Variants in COL13A1 observed in about 807,000 individuals in gnomAD.
COL13A1 encodes the protein collagen type XIII alpha 1 chain, also known as collagen alpha-1(XIII) chain.
COL13A1 carries 89 observed loss-of-function variants against 130.9 expected under a neutral mutation model. The observed-to-expected ratio is 0.68, with a 90% CI of 0.57 to 0.81. COL13A1 has a LOEUF of 0.81. COL13A1 is among the 30% of genes least tolerant of loss of function. The pLI is 0.00. For missense variants in COL13A1, 879 were observed against 934.6 expected (o/e 0.94, Z 0.78); for synonymous variants, 402 against 341.6 (o/e 1.18, Z -1.95).
intron 2 of COL13A1, among the ~76,000 whole-genome samples, chr10:69,833,420 A>G (rs554128135): frequency 1.3e-5 from 2 of 152,308 alleles, no homozygotes; most frequent in Non-Finnish European, 2.9e-5. Flanking sequence ...CATGAACTAC[A>G]TCAACAAGCA....
chr10:69,802,830 G>T (rs1238374528), intron 1 of COL13A1, 113 bp downstream of exon 1: 14 of 1,386,752 alleles, frequency 1.0e-5, no homozygotes, highest in Admixed American at 2.0e-5. Context: ...CCCCAGGTTC[G>T]CGCGAGTTGC....
intron 36 of COL13A1, 27 bp downstream of exon 36, chr10:69,944,205 G>A: frequency 6.2e-7 from 1 of 1,610,326 alleles, no homozygotes. Context: ...CAGGGGCCTG[G>A]GCGGCCAGGA....
At chr10:69,842,278 C>A (rs934126195) in intron 2 of COL13A1, among the ~76,000 whole-genome samples, 1 of 152,204 alleles carries the variant, frequency 6.6e-6, no homozygotes, top group Non-Finnish European at 1.5e-5. Context: ...TTAAGACGTG[C>A]CTTTCACCTT....
chr10:69,933,215 A>G (rs1370135131), intron 31 of COL13A1, among the ~76,000 whole-genome samples: 1 of 147,772 alleles, frequency 6.8e-6, no homozygotes, highest in Non-Finnish European at 1.5e-5. Context: ...GGGCACTAGC[A>G]TGGGAGCAAC....
At chr10:69,859,630 C>A (rs1857413601) in intron 2 of COL13A1, among the ~76,000 whole-genome samples, 1 of 152,186 alleles carries the variant, frequency 6.6e-6, no homozygotes, top group Non-Finnish European at 1.5e-5. Flanking sequence ...ACCTGAGTGA[C>A]CCCTCAATGG....
At chr10:69,802,863 G>A (rs1034820308) in intron 1 of COL13A1, 146 bp downstream of exon 1, 2 of 1,040,034 alleles carry the variant, frequency 1.9e-6, no homozygotes, top group Non-Finnish European at 1.4e-6. Flanking sequence ...TCGGGGACAC[G>A]GACAGACGCT....
At position 69,935,394 on chromosome 10, in the gene COL13A1, A is replaced by G; in HGVS notation, c.1770+3A>G. 6.4e-7 allele frequency: 1 copy of G among 1,558,892 alleles called. No individual in the cohort carries two copies. The highest frequency in any genetic ancestry group is 8.7e-7 in the Non-Finnish European group (1 of 1,151,066). ...CAGAGGGGCCTCCCGGACCTCCGGT[A>G]AGTTTGGAGGGCTTGTCAGTGGCCA... On this transcript the variant is annotated splice_donor_region_variant and intron_variant, in intron 32 of 40. Coordinates refer to ENST00000645393, the MANE Select transcript of COL13A1 (RefSeq NM_001368882.1).
chr10:69,857,352 G>A (rs980614440), intron 2 of COL13A1, among the ~76,000 whole-genome samples: 1 of 152,186 alleles, frequency 6.6e-6, no homozygotes, highest in African/African-American at 2.4e-5. Flanking sequence ...AGCCCTGCGT[G>A]GGTTCCAGGA....
Position 69,947,340 on chromosome 10 carries a change from C to G in COL13A1, c.2056C>G (p.Arg686Gly). 6.2e-7 allele frequency: 1 copy of G among 1,612,320 alleles called. No individual in the cohort carries two copies. Among genetic ancestry groups the G allele is most frequent in the Non-Finnish European group, 8.5e-7 (1 of 1,179,072 alleles). Residue 686 changes from arginine (R) to glycine (G), a missense_variant and splice_region_variant, in exon 38 of 41, where the codon CGG becomes GGG. Coordinates refer to ENST00000645393, the MANE Select transcript of COL13A1 (RefSeq NM_001368882.1). ...TGGACCACCCGGGGACAAGGGAAAC[C>G]GGGTGAGTCTGAGCCCCTGCACTCG... ...LHGPPGDKGN[R>G]GERGKKGSRG... is the part of the protein sequence containing the mutation.
At chr10:69,948,843 G>A (rs1431831335) in intron 38 of COL13A1, among the ~76,000 whole-genome samples, 3 of 152,124 alleles carry the variant, frequency 2.0e-5, no homozygotes, top group Non-Finnish European at 2.9e-5. Context: ...GGGGGCTGGC[G>A]GCTCTGATGC....
At chr10:69,902,386 C>G (rs2135119321) in intron 14 of COL13A1, among the ~76,000 whole-genome samples, 1 of 152,290 alleles carries the variant, frequency 6.6e-6, no homozygotes, top group Non-Finnish European at 1.5e-5. Context: ...GAGGCAGGCC[C>G]AGGCTGAAGA....
At chr10:69,807,490 T>G (rs1269729032) in intron 1 of COL13A1, among the ~76,000 whole-genome samples, 1 of 152,222 alleles carries the variant, frequency 6.6e-6, no homozygotes, top group Admixed American at 6.5e-5. Flanking sequence ...GTAATTTCAG[T>G]TTTTGCCATT....
At chr10:69,827,685 G>T (rs1056271340) in intron 2 of COL13A1, among the ~76,000 whole-genome samples, 2 of 152,240 alleles carry the variant, frequency 1.3e-5, no homozygotes, top group Admixed American at 6.5e-5. Flanking sequence ...CCTTTGGGTT[G>T]TAATGGCCTC....
At chr10:69,936,307 G>A (rs1281512576) in intron 32 of COL13A1, among the ~76,000 whole-genome samples, 1 of 152,178 alleles carries the variant, frequency 6.6e-6, no homozygotes, top group Non-Finnish European at 1.5e-5. Context: ...AGCAACAGAT[G>A]CTGGCCCATG....
At chr10:69,891,215 T>C (rs949546435) in intron 10 of COL13A1, among the ~76,000 whole-genome samples, 6 of 152,166 alleles carry the variant, frequency 3.9e-5, no homozygotes, top group African/African-American at 1.4e-4. Flanking sequence ...ATGAGTGCTA[T>C]AAAAAGATAA....
intron 1 of COL13A1, among the ~76,000 whole-genome samples, chr10:69,810,028 T>A (rs1219278506): frequency 6.6e-6 from 1 of 152,242 alleles, no homozygotes; most frequent in Non-Finnish European, 1.5e-5. Flanking sequence ...TCTACCTTAC[T>A]GTATACTGTC....
chr10:69,881,767 C>T (rs2060163710), intron 7 of COL13A1, among the ~76,000 whole-genome samples: 1 of 152,198 alleles, frequency 6.6e-6, no homozygotes, highest in South Asian at 2.1e-4. Flanking sequence ...AAGACTTTTA[C>T]ACGTATTCAC....
At chr10:69,943,394 G>C (rs2136126227) in intron 35 of COL13A1, among the ~76,000 whole-genome samples, 1 of 152,348 alleles carries the variant, frequency 6.6e-6, no homozygotes, top group East Asian at 1.9e-4. Flanking sequence ...GCCAGGCTGT[G>C]AACTGGGAAC....
chr10:69,838,970 G>A (rs149202293), intron 2 of COL13A1, among the ~76,000 whole-genome samples: 82 of 152,344 alleles, frequency 5.4e-4, no homozygotes, highest in South Asian at 1.9e-3. Flanking sequence ...TGCTACACAC[G>A]TGCCAGTTGT....
Sources: gnomAD v4.1 joint callset for allele counts (sites outside exome capture counted in the v4.1 genomes callset) on GRCh38, gnomAD v4.1.1 for gene constraint, MANE v1.5 for transcripts, NCBI Gene and HGNC (gene_info 2026-07-23, HGNC 2026-07-21) for gene names.